ARHGAP15: variants seen among roughly 807,000 people sequenced by gnomAD.
ARHGAP15 encodes the protein Rho GTPase activating protein 15.
ARHGAP15 carries 51 observed loss-of-function variants against 63.7 expected under a neutral mutation model. That is an observed-to-expected ratio of 0.80 (90% CI 0.64 to 1.01). The LOEUF is 1.01. ARHGAP15 is among the 50% of genes least tolerant of loss of function. ARHGAP15 has a pLI of 0.00. For synonymous variants in ARHGAP15, 191 were observed against 193.8 expected (o/e 0.99, Z 0.12); for missense variants, 560 against 564.6 (o/e 0.99, Z 0.08).
intron 11 of ARHGAP15, among the ~76,000 whole-genome samples, chr2:143,597,213 C>T (rs1275121091): frequency 6.6e-6 from 1 of 151,748 alleles, no homozygotes; most frequent in Non-Finnish European, 1.5e-5. Flanking sequence ...TAGGAATTCT[C>T]ATATTTTAAT....
intron 13 of ARHGAP15, among the ~76,000 whole-genome samples, chr2:143,745,003 T>C (rs576819535): frequency 6.4e-4 from 98 of 152,322 alleles, no homozygotes; most frequent in Non-Finnish European, 1.1e-3. Context: ...GCTTCAAATA[T>C]TTATCTTTGT....
Position 143,320,413 on chromosome 2 carries a change from C to A in ARHGAP15, c.474+69813C>A, listed in dbSNP as rs1303657014. Among the ~76,000 whole-genome samples, 3 of 83,640 alleles carry A rather than the reference C, an allele frequency of 3.6e-5. 1 individual carries two copies. Among genetic ancestry groups the A allele is most frequent in the Non-Finnish European group, 7.4e-5 (3 of 40,652 alleles). The allele number at this position is 83,640 out of a possible 152,430, so 54.9% of individuals were successfully genotyped here. A position where few individuals can be genotyped will look rare whatever the true frequency, so the allele number is the denominator to read the frequency against. ...CCACAAATCAGGACTTCCCCACCCC[C>A]CCCCCCCCCAGAGATCCTATGATAA... is the stretch of plus-strand genomic sequence containing the variant. On this transcript the variant is annotated intron_variant, in intron 6 of 13. Coordinates refer to ENST00000295095, the MANE Select transcript of ARHGAP15 (RefSeq NM_018460.4).
chr2:143,703,794 C>T (rs1684201098), intron 13 of ARHGAP15: 1 of 273,754 alleles, frequency 3.7e-6, no homozygotes, highest in African/African-American at 2.2e-5. Context: ...CGCCTGGACC[C>T]TGGGATGGGT....
chr2:143,639,965 T>G (rs1680528931), intron 12 of ARHGAP15, among the ~76,000 whole-genome samples: 1 of 152,140 alleles, frequency 6.6e-6, no homozygotes, highest in Admixed American at 6.6e-5. Flanking sequence ...GTTGGGACAT[T>G]TTAAAATAAA....
intron 6 of ARHGAP15, among the ~76,000 whole-genome samples, chr2:143,342,152 G>C (rs1685085514): frequency 1.3e-5 from 2 of 152,066 alleles, no homozygotes; most frequent in Admixed American, 6.6e-5. Flanking sequence ...CGACATGATA[G>C]AAAATTATGA....
intron 1 of ARHGAP15, among the ~76,000 whole-genome samples, chr2:143,131,272 A>G (rs1008998483): frequency 6.6e-6 from 1 of 152,244 alleles, no homozygotes; most frequent in Non-Finnish European, 1.5e-5. Context: ...TACAAACCAA[A>G]TTTTAAGACA....
intron 9 of ARHGAP15, among the ~76,000 whole-genome samples, chr2:143,494,062 A>G (rs1692707105): frequency 6.6e-6 from 1 of 152,070 alleles, no homozygotes; most frequent in African/African-American, 2.4e-5. Context: ...AGTGGACAGG[A>G]TTTTTAAATT....
At chr2:143,159,878 G>T (rs986990802) in intron 2 of ARHGAP15, among the ~76,000 whole-genome samples, 1 of 151,832 alleles carries the variant, frequency 6.6e-6, no homozygotes, top group African/African-American at 2.4e-5. Context: ...TCTGAAAATG[G>T]ATTAGTTTCC....
chr2:143,355,816 G>T (rs1685785024), intron 6 of ARHGAP15, among the ~76,000 whole-genome samples: 2 of 152,250 alleles, frequency 1.3e-5, no homozygotes, highest in East Asian at 3.9e-4. Context: ...GATGTTGCAT[G>T]TTAACAGCTA....
chr2:143,637,141 T>G (rs1296934181), intron 12 of ARHGAP15, among the ~76,000 whole-genome samples: 1 of 152,060 alleles, frequency 6.6e-6, no homozygotes, highest in African/African-American at 2.4e-5. Flanking sequence ...ACCATCACAT[T>G]GAGGGTTAGG....
intron 11 of ARHGAP15, among the ~76,000 whole-genome samples, chr2:143,620,133 C>T (rs557743999): frequency 6.6e-6 from 1 of 152,214 alleles, no homozygotes; most frequent in South Asian, 2.1e-4. Context: ...ATGTTTGATT[C>T]CTTATGCTTT....
chr2:143,694,602 T>A (rs1471932611), intron 12 of ARHGAP15, among the ~76,000 whole-genome samples: 1 of 152,192 alleles, frequency 6.6e-6, no homozygotes, highest in Non-Finnish European at 1.5e-5. Context: ...TTGCCACATG[T>A]TGCCTGTTTT....
chr2:143,192,162 A>T (rs889937631), intron 2 of ARHGAP15, among the ~76,000 whole-genome samples: 2 of 152,218 alleles, frequency 1.3e-5, no homozygotes, highest in South Asian at 2.1e-4. Context: ...GGTTTTGGCC[A>T]TTGGGTATTT....
At chr2:143,765,962 T>A (rs1314809460) in intron 13 of ARHGAP15, among the ~76,000 whole-genome samples, 2 of 152,198 alleles carry the variant, frequency 1.3e-5, no homozygotes, top group Admixed American at 6.5e-5. Flanking sequence ...TTGATTATTA[T>A]TAATATTGGT....
chr2:143,730,296 G>T lies in ARHGAP15; in HGVS notation c.1244+26772G>T, dbSNP rs940768033. Among the ~76,000 whole-genome samples the T allele has an allele frequency of 3.3e-5, 5 of 152,266 alleles. No homozygotes were observed. The South Asian group carries it at 1.0e-3, about 32-fold the overall frequency. On this transcript the variant is annotated intron_variant, in intron 13 of 13. Coordinates refer to ENST00000295095, the MANE Select transcript of ARHGAP15 (RefSeq NM_018460.4). ...TTCTTCATTGTCCCTAGAGCTGGAG[G>T]CTTAGAAAGGCCTAGACACACACTG...
At chr2:143,541,720 C>T (rs1420530621) in intron 10 of ARHGAP15, among the ~76,000 whole-genome samples, 1 of 152,168 alleles carries the variant, frequency 6.6e-6, no homozygotes, top group African/African-American at 2.4e-5. Flanking sequence ...ATGCTGCTGC[C>T]TGATCGTTCC....
chr2:143,379,537 G>A (rs1402968103), intron 6 of ARHGAP15, among the ~76,000 whole-genome samples: 31 of 149,742 alleles, frequency 2.1e-4, no homozygotes, highest in Non-Finnish European at 3.6e-4. Context: ...GTGTGTATGA[G>A]AGAGAGAGAA....
intron 11 of ARHGAP15, among the ~76,000 whole-genome samples, chr2:143,596,900 C>T (rs1697539407): frequency 6.6e-6 from 1 of 152,064 alleles, no homozygotes; most frequent in African/African-American, 2.4e-5. Context: ...TATGTATCTT[C>T]ACAAAAGTAA....
chr2:143,358,643 G>A (rs1239992174), intron 6 of ARHGAP15, among the ~76,000 whole-genome samples: 4 of 150,600 alleles, frequency 2.7e-5, no homozygotes, highest in African/African-American at 9.7e-5. Flanking sequence ...TATGCTGCAT[G>A]GATGAAATAT....
Sources: allele counts gnomAD v4.1 joint callset (sites outside exome capture counted in the v4.1 genomes callset), GRCh38; gene constraint gnomAD v4.1.1; transcripts MANE v1.5; gene names NCBI Gene and HGNC (gene_info 2026-07-23, HGNC 2026-07-21).